FAM169A: variants seen among roughly 807,000 people sequenced by gnomAD.
The protein encoded by FAM169A is soluble lamin-associated protein of 75 kDa.
FAM169A carries 24 observed loss-of-function variants against 75.7 expected under a neutral mutation model. The observed-to-expected ratio is 0.32, with a 90% CI of 0.23 to 0.45. The LOEUF is 0.45. Among genes scored for constraint, FAM169A ranks in the 20% least tolerant of loss-of-function variants. The pLI is 1.00. For synonymous variants in FAM169A, 271 were observed against 271.0 expected (o/e 1.00, Z 0.00); for missense variants, 673 against 784.0 (o/e 0.86, Z 1.69).
chr5:74,853,189 C>A (rs983522938), intron 1 of FAM169A, among the ~76,000 whole-genome samples: 1 of 152,072 alleles, frequency 6.6e-6, no homozygotes, highest in African/African-American at 2.4e-5. Flanking sequence ...GAGATGGAAG[C>A]TAGGAAGAAA....
chr5:74,851,898 G>T (rs140967199), intron 1 of FAM169A, among the ~76,000 whole-genome samples: 3 of 152,226 alleles, frequency 2.0e-5, no homozygotes, highest in East Asian at 1.9e-4. Flanking sequence ...AGTTAACAGG[G>T]ATTGGACATA....
chr5:74,791,129 T>G (rs1745953430), intron 11 of FAM169A, among the ~76,000 whole-genome samples: 1 of 152,166 alleles, frequency 6.6e-6, no homozygotes, highest in African/African-American at 2.4e-5. Context: ...TTCCCCATCA[T>G]CTTGAAGCAG....
In FAM169A at chr5:74,779,018, G is replaced by T. The variant is rs1258663347; in HGVS notation, c.*2442C>A. The T allele has an allele frequency of 6.6e-6, 1 of 152,062 alleles. No homozygotes were observed. The highest frequency in any genetic ancestry group is 1.5e-5 in the Non-Finnish European group (1 of 67,942). The allele number at this position is 152,062 out of a possible 1,614,324, so 9.4% of individuals were successfully genotyped here. A position where few individuals can be genotyped will look rare whatever the true frequency, so the allele number is the denominator to read the frequency against. ...ACATGAGAGTTAGGTTTTTCCAAGT[G>T]ATCTAACTTTTCCCTCTATAATCTA... On this transcript the variant is annotated 3_prime_UTR_variant, in exon 13 of 13. Transcript: ENST00000687041.
At chr5:74,783,256 A>G in intron 11 of FAM169A, 122 bp from the exon 12 acceptor site, 1 of 658,920 alleles carries the variant, frequency 1.5e-6, no homozygotes, top group East Asian at 2.5e-5. Context: ...TTTACATTAT[A>G]GGACATGGGT....
At chr5:74,797,692 T>C (rs1746351334) in intron 10 of FAM169A, among the ~76,000 whole-genome samples, 1 of 152,200 alleles carries the variant, frequency 6.6e-6, no homozygotes, top group Admixed American at 6.5e-5. Flanking sequence ...ATGGGCACAC[T>C]GGCTAATGGC....
intron 1 of FAM169A, among the ~76,000 whole-genome samples, chr5:74,846,239 T>C (rs1749150219): frequency 6.6e-6 from 1 of 152,234 alleles, no homozygotes; most frequent in South Asian, 2.1e-4. Flanking sequence ...ACTTGAATAT[T>C]AGCTACCAAA....
intron 5 of FAM169A, among the ~76,000 whole-genome samples, chr5:74,818,604 C>A (rs1347546618): frequency 1.9e-5 from 2 of 104,504 alleles, no homozygotes; most frequent in African/African-American, 7.6e-5. Flanking sequence ...AGAGTATATA[C>A]TGTATGTCCT....
chr5:74,817,320 A>G (rs547436962), intron 5 of FAM169A, among the ~76,000 whole-genome samples: 1 of 152,246 alleles, frequency 6.6e-6, no homozygotes, highest in East Asian at 1.9e-4. Flanking sequence ...CTTAAAAAAC[A>G]AAACTATTAA....
chr5:74,852,717 G>A (rs1749506523), intron 1 of FAM169A, among the ~76,000 whole-genome samples: 1 of 151,906 alleles, frequency 6.6e-6, no homozygotes, highest in Non-Finnish European at 1.5e-5. Context: ...GGTGGTGGAA[G>A]TACTAGGAAA....
chr5:74,840,735 A>G (rs1748819725), intron 2 of FAM169A, among the ~76,000 whole-genome samples: 1 of 151,878 alleles, frequency 6.6e-6, no homozygotes, highest in Non-Finnish European at 1.5e-5. Flanking sequence ...AGGCTAAGGC[A>G]GGAGAATGGC....
chr5:74,814,570 T>C (rs1214874390), intron 5 of FAM169A, among the ~76,000 whole-genome samples: 1 of 152,178 alleles, frequency 6.6e-6, no homozygotes, highest in East Asian at 1.9e-4. Context: ...TTAAGGACTA[T>C]AAATTGGGGC....
intron 11 of FAM169A, among the ~76,000 whole-genome samples, chr5:74,786,778 G>A (rs573706887): frequency 6.6e-6 from 1 of 152,318 alleles, no homozygotes; most frequent in South Asian, 2.1e-4. Context: ...CTCTTATCAT[G>A]TAAGTGGCTG....
intron 11 of FAM169A, among the ~76,000 whole-genome samples, chr5:74,786,339 A>G (rs1274015544): frequency 6.6e-6 from 1 of 152,180 alleles, no homozygotes; most frequent in African/African-American, 2.4e-5. Context: ...GTGGTTCTAG[A>G]GGAACAGAAT....
chr5:74,803,202 T>C (rs927360472), intron 8 of FAM169A, among the ~76,000 whole-genome samples: 5 of 152,118 alleles, frequency 3.3e-5, no homozygotes, highest in African/African-American at 1.2e-4. Context: ...TTTGGCTTAG[T>C]ATTAAAGTAA....
chr5:74,785,583 C>T (rs1455355059), intron 11 of FAM169A, among the ~76,000 whole-genome samples: 2 of 151,840 alleles, frequency 1.3e-5, no homozygotes, highest in Admixed American at 6.6e-5. Flanking sequence ...CCAACATTGG[C>T]AAAAACCCCA....
chr5:74,818,822 T>C (rs1209560851), intron 5 of FAM169A, among the ~76,000 whole-genome samples: 1 of 151,174 alleles, frequency 6.6e-6, no homozygotes, highest in Non-Finnish European at 1.5e-5. Flanking sequence ...TATATATATA[T>C]ATGTCAAAGC....
intron 4 of FAM169A, among the ~76,000 whole-genome samples, chr5:74,838,405 T>C (rs1275211094): frequency 6.6e-6 from 1 of 152,174 alleles, no homozygotes; most frequent in Non-Finnish European, 1.5e-5. Flanking sequence ...TATCCTGTCC[T>C]ATTTATCCTC....
intron 8 of FAM169A, among the ~76,000 whole-genome samples, chr5:74,802,160 C>G (rs2112532810): frequency 6.6e-6 from 1 of 152,272 alleles, no homozygotes. Context: ...CTTCCTAACT[C>G]ACATGTAATC....
At chr5:74,788,286 A>G (rs952197862) in intron 11 of FAM169A, among the ~76,000 whole-genome samples, 1 of 152,194 alleles carries the variant, frequency 6.6e-6, no homozygotes, top group African/African-American at 2.4e-5. Flanking sequence ...GCCAGAATGC[A>G]TTAATTGGCA....
Sources: allele counts gnomAD v4.1 joint callset (sites outside exome capture counted in the v4.1 genomes callset), GRCh38; gene constraint gnomAD v4.1.1; transcripts MANE v1.5; gene names NCBI Gene and HGNC (gene_info 2026-07-23, HGNC 2026-07-21).